BMPR1B: variants seen among roughly 807,000 people sequenced by gnomAD.
The protein encoded by BMPR1B is bone morphogenetic protein receptor type 1B.
Under a neutral mutation model 59.1 loss-of-function variants are expected in BMPR1B, and 12 were observed. That is an observed-to-expected ratio of 0.20 (90% CI 0.13 to 0.33). The LOEUF (loss-of-function observed/expected upper bound fraction) is 0.33, where lower values mean the gene tolerates loss of function less well. BMPR1B is among the 10% of genes least tolerant of loss of function. The pLI is 1.00. For missense variants in BMPR1B, 550 were observed against 610.9 expected, an observed-to-expected ratio of 0.90 and a Z score of 1.05; for synonymous variants, 237 against 207.3, an observed-to-expected ratio of 1.14 and a Z score of -1.23.
rs79036299 is a variant in BMPR1B at position 94,837,909 on chromosome 4, T to A, written c.-182-37922T>A. Among the ~76,000 whole-genome samples the A allele has an allele frequency of 3.0e-4, 40 of 135,490 alleles. 1 individual carries two copies. The highest frequency in any genetic ancestry group is 1.1e-3 in the African/African-American group (39 of 34,962). The allele number at this position is 135,490 out of a possible 152,430, so 88.9% of individuals were successfully genotyped here. Reference sequence around the variant, plus strand: ...TGTCTGTGGGTTTGTCATAGATAGCTCTTATTATTTTGAAATATGTCCCAT... The same window carrying A: ...TGTCTGTGGGTTTGTCATAGATAGCACTTATTATTTTGAAATATGTCCCAT... On this transcript the variant is annotated intron_variant, in intron 1 of 12. Coordinates refer to ENST00000515059, the MANE Select transcript of BMPR1B (RefSeq NM_001203.3).
chr4:95,090,887 AAGAT>A (rs1438486067), intron 3 of BMPR1B, among the ~76,000 whole-genome samples: 1 of 151,740 alleles, frequency 6.6e-6, no homozygotes, highest in African/African-American at 2.4e-5. Context: ...ATTTAATAAA[AAGAT>A]AGAAATAATG....
chr4:94,873,058 A>G (rs1375201699), intron 1 of BMPR1B, among the ~76,000 whole-genome samples: 3 of 152,062 alleles, frequency 2.0e-5, no homozygotes, highest in Admixed American at 6.5e-5. Context: ...GAAATAATCT[A>G]TATGATTTTT....
chr4:95,133,878 G>GTT (rs35735765), intron 10 of BMPR1B, among the ~76,000 whole-genome samples: 4,438 of 149,246 alleles, frequency 0.03, 99 homozygotes, highest in African/African-American at 0.064. Context: ...CCCACCTGCT[G>GTT]TTTTTTTTTT....
chr4:95,036,504 A>G (rs1175215194), intron 3 of BMPR1B, among the ~76,000 whole-genome samples: 1 of 152,144 alleles, frequency 6.6e-6, no homozygotes, highest in Non-Finnish European at 1.5e-5. Context: ...ACTTAACATA[A>G]TGATCTCCAG....
intron 1 of BMPR1B, among the ~76,000 whole-genome samples, chr4:94,874,352 G>GT (rs1338047172): frequency 6.6e-6 from 1 of 151,948 alleles, no homozygotes; most frequent in Non-Finnish European, 1.5e-5. Context: ...TAGTAATTCT[G>GT]TTTTTAGAAT....
intron 2 of BMPR1B, among the ~76,000 whole-genome samples, chr4:94,913,205 A>G (rs776880451): frequency 2.6e-5 from 4 of 152,084 alleles, no homozygotes; most frequent in Non-Finnish European, 5.9e-5. Context: ...TGTAGCTCAT[A>G]GGTGGAGATT....
intron 2 of BMPR1B, among the ~76,000 whole-genome samples, chr4:94,953,341 G>A (rs1730020010): frequency 6.6e-6 from 1 of 152,180 alleles, no homozygotes; most frequent in Admixed American, 6.5e-5. Flanking sequence ...AGTTGATGCA[G>A]TTTCTTCATA....
chr4:94,792,825 T>A (rs979369659), intron 1 of BMPR1B, among the ~76,000 whole-genome samples: 10 of 152,258 alleles, frequency 6.6e-5, no homozygotes, highest in Admixed American at 6.5e-4. Flanking sequence ...CTTTACATAG[T>A]GTTCACCAAA....
chr4:95,149,998 C>A (rs1734926167), intron 11 of BMPR1B, among the ~76,000 whole-genome samples: 1 of 152,170 alleles, frequency 6.6e-6, no homozygotes, highest in Admixed American at 6.5e-5. Context: ...TAATACTTTT[C>A]ATTTTGGTTG....
At chr4:95,110,358 A>T (rs972132752) in intron 4 of BMPR1B, among the ~76,000 whole-genome samples, 1 of 151,980 alleles carries the variant, frequency 6.6e-6, no homozygotes, top group Admixed American at 6.6e-5. Context: ...CAAAATGCTA[A>T]ATCATTTGGC....
intron 3 of BMPR1B, among the ~76,000 whole-genome samples, chr4:95,011,244 T>A (rs1196178431): frequency 6.6e-6 from 1 of 152,052 alleles, no homozygotes; most frequent in Non-Finnish European, 1.5e-5. Flanking sequence ...CCGCCCACCC[T>A]CCACCCTCAG....
chr4:95,004,712 C>A (rs1722700495), intron 3 of BMPR1B, among the ~76,000 whole-genome samples: 1 of 152,054 alleles, frequency 6.6e-6, no homozygotes, highest in South Asian at 2.1e-4. Flanking sequence ...TATCATTATT[C>A]CCAGTAGTAG....
At chr4:94,761,415 CTG>C (rs57447983) in intron 1 of BMPR1B, among the ~76,000 whole-genome samples, 8,723 of 141,100 alleles carry the variant, frequency 0.062, 265 homozygotes, top group Middle Eastern at 0.11. Context: ...CTGTATAATT[CTG>C]TGTGTGTGTG....
At chr4:94,843,781 G>A (rs940076323) in intron 1 of BMPR1B, among the ~76,000 whole-genome samples, 13 of 152,214 alleles carry the variant, frequency 8.5e-5, no homozygotes, top group Admixed American at 2.6e-4. Context: ...CTTACGAGCC[G>A]TTTCCTCTGT....
At chr4:95,085,533 T>TG (rs1729510164) in intron 3 of BMPR1B, among the ~76,000 whole-genome samples, 1 of 152,156 alleles carries the variant, frequency 6.6e-6, no homozygotes, top group South Asian at 2.1e-4. Context: ...ATTCTGCACA[T>TG]AAACTCAAGT....
chr4:94,893,052 A>G (rs116760375), intron 2 of BMPR1B, among the ~76,000 whole-genome samples: 1 of 152,154 alleles, frequency 6.6e-6, no homozygotes, highest in Non-Finnish European at 1.5e-5. Flanking sequence ...GTTGTTAATG[A>G]TTATAAGAAC....
At chr4:95,142,980 T>C (rs1410958160) in intron 10 of BMPR1B, among the ~76,000 whole-genome samples, 1 of 152,172 alleles carries the variant, frequency 6.6e-6, no homozygotes, top group Non-Finnish European at 1.5e-5. Flanking sequence ...CAAAAATCTT[T>C]TGCCTGCCCT....
At chr4:95,043,826 A>G (rs2149176692) in intron 3 of BMPR1B, among the ~76,000 whole-genome samples, 1 of 151,816 alleles carries the variant, frequency 6.6e-6, no homozygotes, top group African/African-American at 2.4e-5. Context: ...AAACATTAGA[A>G]GCCTGTATCA....
At chr4:94,811,359 T>G (rs935986178) in intron 1 of BMPR1B, among the ~76,000 whole-genome samples, 1 of 152,122 alleles carries the variant, frequency 6.6e-6, no homozygotes, top group African/African-American at 2.4e-5. Flanking sequence ...CTTTGGAGGC[T>G]CTCATGGGCC....
Sources: gnomAD v4.1 joint callset for allele counts (sites outside exome capture counted in the v4.1 genomes callset) on GRCh38, gnomAD v4.1.1 for gene constraint, MANE v1.5 for transcripts, NCBI Gene and HGNC (gene_info 2026-07-23, HGNC 2026-07-21) for gene names.